Variants in NTM observed in about 807,000 individuals in gnomAD.
NTM encodes the protein neurotrimin.
Under a neutral mutation model 42.1 loss-of-function variants are expected in NTM, and 13 were observed. That is an observed-to-expected ratio of 0.31 (90% CI 0.20 to 0.49). The LOEUF (loss-of-function observed/expected upper bound fraction) is 0.49. Ranked by LOEUF, NTM falls within the 20% of genes least tolerant of loss-of-function variation. NTM has a pLI of 0.99. For missense variants in NTM, 373 were observed against 452.8 expected (o/e 0.82, Z 1.60); for synonymous variants, 187 against 179.2 (o/e 1.04, Z -0.35).
At chr11:131,823,529 A>G (rs778174088) in intron 1 of NTM, among the ~76,000 whole-genome samples, 1 of 152,148 alleles carries the variant, frequency 6.6e-6, no homozygotes, top group Admixed American at 6.5e-5. Context: ...AATAAGTTCT[A>G]TATCTGGCTT....
At chr11:131,881,609 C>A (rs1462230319) in intron 1 of NTM, among the ~76,000 whole-genome samples, 1 of 151,892 alleles carries the variant, frequency 6.6e-6, no homozygotes, top group Non-Finnish European at 1.5e-5. Context: ...TGTGAGGCAG[C>A]ATTTTACTCC....
intron 1 of NTM, among the ~76,000 whole-genome samples, chr11:131,778,312 T>C (rs1234913001): frequency 6.6e-6 from 1 of 152,226 alleles, no homozygotes; most frequent in East Asian, 1.9e-4. Context: ...AAAGATAAGC[T>C]TCCAGTCTTA....
intron 2 of NTM, among the ~76,000 whole-genome samples, chr11:132,089,216 C>A (rs1422943648): frequency 1.3e-5 from 2 of 152,214 alleles, no homozygotes; most frequent in African/African-American, 4.8e-5. Context: ...TTACCATGAG[C>A]CTTGCTCTTG....
At chr11:132,290,481 C>T (rs2094420342) in intron 4 of NTM, among the ~76,000 whole-genome samples, 1 of 152,074 alleles carries the variant, frequency 6.6e-6, no homozygotes, top group African/African-American at 2.4e-5. Flanking sequence ...GCATTGGATA[C>T]TGAGCGTATT....
At chr11:131,911,064 G>A in intron 1 of NTM, 1 of 1,095,822 alleles carries the variant, frequency 9.1e-7, no homozygotes, top group South Asian at 2.9e-5. Context: ...CCTCTGGGTA[G>A]CTGGATGAAG....
chr11:132,037,303 G>A (rs543986503), intron 2 of NTM, among the ~76,000 whole-genome samples: 6 of 152,122 alleles, frequency 3.9e-5, no homozygotes, highest in African/African-American at 9.6e-5. Context: ...TGCACATGCC[G>A]GCTCCCTTCA....
At chr11:131,443,434 A>G (rs1033234111) in intron 1 of NTM, among the ~76,000 whole-genome samples, 4 of 152,200 alleles carry the variant, frequency 2.6e-5, no homozygotes, top group African/African-American at 9.6e-5. Context: ...CTTGGAATAT[A>G]CTGAGATTGA....
intron 3 of NTM, among the ~76,000 whole-genome samples, chr11:132,191,067 G>C (rs1211357116): frequency 6.6e-6 from 1 of 152,152 alleles, no homozygotes; most frequent in Non-Finnish European, 1.5e-5. Flanking sequence ...GACTTGGATA[G>C]TATTTACCAG....
intron 2 of NTM, among the ~76,000 whole-genome samples, chr11:131,980,919 A>G (rs2065132503): frequency 6.6e-6 from 1 of 152,204 alleles, no homozygotes; most frequent in Non-Finnish European, 1.5e-5. Context: ...CTCTATGTTT[A>G]TGGGAAGTAC....
At chr11:131,695,944 T>C (rs1427197278) in intron 1 of NTM, among the ~76,000 whole-genome samples, 2 of 152,064 alleles carry the variant, frequency 1.3e-5, no homozygotes, top group Admixed American at 1.3e-4. Context: ...GCAGCTGCAG[T>C]ATGTGTGCCG....
intron 1 of NTM, among the ~76,000 whole-genome samples, chr11:131,391,238 C>T (rs1408305782): frequency 6.6e-6 from 1 of 152,164 alleles, no homozygotes; most frequent in Non-Finnish European, 1.5e-5. Flanking sequence ...TTTCCTGAGT[C>T]TGTACCCTTA....
chr11:131,762,343 T>C (rs2084343758), intron 1 of NTM, among the ~76,000 whole-genome samples: 1 of 152,182 alleles, frequency 6.6e-6, no homozygotes, highest in Admixed American at 6.5e-5. Context: ...CACCCTCTTC[T>C]GGGGCAAGAT....
chr11:131,518,074 GT>G (rs772999343), intron 1 of NTM, among the ~76,000 whole-genome samples: 1 of 152,308 alleles, frequency 6.6e-6, no homozygotes, highest in Non-Finnish European at 1.5e-5. Flanking sequence ...TATTCTCAGA[GT>G]GTTGAGAGGT....
chr11:132,009,234 T>A (rs1043929750), intron 2 of NTM, among the ~76,000 whole-genome samples: 9 of 152,214 alleles, frequency 5.9e-5, no homozygotes, highest in Admixed American at 5.9e-4. Flanking sequence ...CCTGCAAGAG[T>A]CCTGTAAGTT....
chr11:131,786,433 T>C lies in NTM; in HGVS notation c.83-125131T>C, dbSNP rs1591821731. ...AGTTTGGGTAAGAGTAATGCAGAGA[T>C]GCTCAAGTTCACATTCTTCTTGAGA... On this transcript the variant is annotated intron_variant, in intron 1 of 8. Coordinates refer to ENST00000683400, the MANE Select transcript of NTM (RefSeq NM_001352005.2). Among the ~76,000 whole-genome samples the C allele has an allele frequency of 2.0e-5, 3 of 152,350 alleles. No individual in the cohort carries two copies. The East Asian group carries it at 5.8e-4, about 29-fold the overall frequency.
chr11:132,098,638 A>G (rs1448283329), intron 2 of NTM, among the ~76,000 whole-genome samples: 1 of 152,266 alleles, frequency 6.6e-6, no homozygotes, highest in Non-Finnish European at 1.5e-5. Flanking sequence ...AAGTCTGGCT[A>G]CTAGCCCATA....
At chr11:132,212,215 G>A in intron 4 of NTM, 68 bp downstream of exon 4, 1 of 1,357,126 alleles carries the variant, frequency 7.4e-7, no homozygotes, top group Non-Finnish European at 1.0e-6. Flanking sequence ...TTGGTAGGAG[G>A]TTATGGGTGC....
intron 2 of NTM, among the ~76,000 whole-genome samples, chr11:131,956,029 G>T (rs2061522849): frequency 6.6e-6 from 1 of 152,142 alleles, no homozygotes. Flanking sequence ...GCACTCCCTG[G>T]GCCAGGCAGG....
At chr11:132,154,794 G>A (rs542389450) in intron 3 of NTM, among the ~76,000 whole-genome samples, 8 of 152,288 alleles carry the variant, frequency 5.3e-5, no homozygotes, top group African/African-American at 1.7e-4. Flanking sequence ...GTTGAATGTC[G>A]CCTGCAGTAA....
Sources: gnomAD v4.1 joint callset for allele counts (sites outside exome capture counted in the v4.1 genomes callset) on GRCh38, gnomAD v4.1.1 for gene constraint, MANE v1.5 for transcripts, NCBI Gene and HGNC (gene_info 2026-07-23, HGNC 2026-07-21) for gene names.